PDE4D: variants seen among roughly 807,000 people sequenced by gnomAD.
PDE4D encodes the protein phosphodiesterase 4D.
PDE4D carries 24 observed loss-of-function variants against 87.4 expected under a neutral mutation model. The observed-to-expected ratio is 0.27, with a 90% CI of 0.20 to 0.39. The LOEUF is 0.39. PDE4D is among the 10% of genes least tolerant of loss of function. The pLI is 1.00. For synonymous variants in PDE4D, 384 were observed against 383.2 expected, an observed-to-expected ratio of 1.00 and a Z score of -0.02; for missense variants, 714 against 1,041.0, an observed-to-expected ratio of 0.69 and a Z score of 4.32.
intron 1 of PDE4D, among the ~76,000 whole-genome samples, chr5:59,884,291 C>CAT (rs754186616): frequency 4.6e-5 from 7 of 150,822 alleles, no homozygotes; most frequent in Non-Finnish European, 7.4e-5. Context: ...TACACACACA[C>CAT]ATATATATAT....
chr5:60,072,834 T>C (rs1200659803), intron 2 of PDE4D, among the ~76,000 whole-genome samples: 1 of 152,146 alleles, frequency 6.6e-6, no homozygotes, highest in Non-Finnish European at 1.5e-5. Flanking sequence ...GGCTCTCTAT[T>C]CTGTTTCACT....
At chr5:59,227,848 C>G (rs1310326381) in intron 1 of PDE4D, among the ~76,000 whole-genome samples, 1 of 152,064 alleles carries the variant, frequency 6.6e-6, no homozygotes, top group Non-Finnish European at 1.5e-5. Flanking sequence ...TGTGGTGATT[C>G]CTGAAAGAAC....
At position 59,289,259 on chromosome 5, in the gene PDE4D, A is replaced by G. The variant is rs563633138; in HGVS notation, c.456-73291T>C. Among the ~76,000 whole-genome samples the G allele has an allele frequency of 3.3e-5, 5 of 152,214 alleles. No homozygotes were observed. In the South Asian group the frequency reaches 1.0e-3, roughly 32 times the overall value. On this transcript the variant is annotated intron_variant, in intron 1 of 14. Transcript: ENST00000340635. Reference sequence around the variant, plus strand: ...CTTTGCTTGTTAGTTTGTTTATGCAATCAGTGTTAAGTTGTTATCAGTTTA... The same window carrying G: ...CTTTGCTTGTTAGTTTGTTTATGCAGTCAGTGTTAAGTTGTTATCAGTTTA...
At chr5:60,013,095 T>A (rs947182979) in intron 2 of PDE4D, among the ~76,000 whole-genome samples, 1 of 152,136 alleles carries the variant, frequency 6.6e-6, no homozygotes, top group African/African-American at 2.4e-5. Flanking sequence ...AGCTTCTATA[T>A]CTGGTTTAGA....
At chr5:60,116,123 T>A (rs1778150094) in intron 2 of PDE4D, among the ~76,000 whole-genome samples, 1 of 152,074 alleles carries the variant, frequency 6.6e-6, no homozygotes, top group African/African-American at 2.4e-5. Flanking sequence ...CTACATAGCA[T>A]GAGTCCCAGC....
At chr5:59,164,736 T>C (rs1045116986) in intron 5 of PDE4D, among the ~76,000 whole-genome samples, 3 of 152,164 alleles carry the variant, frequency 2.0e-5, no homozygotes, top group East Asian at 1.9e-4. Context: ...TTCTGTTGGA[T>C]GGCATGATGT....
At chr5:60,316,604 G>A (rs1412545789) in intron 1 of PDE4D, among the ~76,000 whole-genome samples, 2 of 152,174 alleles carry the variant, frequency 1.3e-5, no homozygotes, top group South Asian at 2.1e-4. Flanking sequence ...TGCCCATTCA[G>A]TATGATATTG....
intron 1 of PDE4D, among the ~76,000 whole-genome samples, chr5:59,333,130 G>A (rs1777035138): frequency 6.6e-6 from 1 of 152,134 alleles, no homozygotes; most frequent in African/African-American, 2.4e-5. Context: ...CTCTTTTGTA[G>A]CCATAGAACA....
chr5:59,157,444 T>C lies in PDE4D; in HGVS notation c.808+23151A>G, dbSNP rs1040522657. 1.2e-5 allele frequency: 8 copies of C among 682,040 alleles called. No homozygotes were observed. In the African/African-American group the frequency reaches 1.4e-4, roughly 12 times the overall value. 42.2% of individuals were successfully genotyped at this position (682,040 alleles called of 1,614,324 possible). On this transcript the variant is annotated intron_variant, in intron 5 of 14. Transcript: ENST00000340635. ...CTGTGGTTACTGGGATAAGAGTTAC[T>C]ATTGTAAACCACTTGAATTTACGAC...
chr5:59,650,782 A>G (rs1372835834), intron 1 of PDE4D, among the ~76,000 whole-genome samples: 3 of 152,144 alleles, frequency 2.0e-5, no homozygotes, highest in Non-Finnish European at 4.4e-5. Context: ...TTGATTTCAT[A>G]TATCTATGCA....
intron 1 of PDE4D, among the ~76,000 whole-genome samples, chr5:60,339,749 C>T (rs951346637): frequency 1.3e-5 from 2 of 152,160 alleles, no homozygotes; most frequent in Non-Finnish European, 2.9e-5. Context: ...CCTTCCAACT[C>T]GACATGTGCT....
intron 2 of PDE4D, among the ~76,000 whole-genome samples, chr5:60,028,481 C>T (rs1202382698): frequency 1.3e-5 from 2 of 152,152 alleles, no homozygotes; most frequent in Non-Finnish European, 2.9e-5. Flanking sequence ...TCTAATTGGT[C>T]TTCCTCAGTA....
intron 1 of PDE4D, among the ~76,000 whole-genome samples, chr5:59,273,502 G>A (rs1431523787): frequency 6.6e-6 from 1 of 152,034 alleles, no homozygotes; most frequent in Non-Finnish European, 1.5e-5. Context: ...TGTTACTACA[G>A]CTGATTATAC....
At chr5:59,723,750 C>T (rs187130247) in intron 1 of PDE4D, among the ~76,000 whole-genome samples, 2 of 152,114 alleles carry the variant, frequency 1.3e-5, no homozygotes, top group East Asian at 1.9e-4. Flanking sequence ...CTGAGACCCA[C>T]GTAAGGAGTT....
At chr5:59,101,220 C>T (rs548725123) in intron 5 of PDE4D, among the ~76,000 whole-genome samples, 7 of 152,244 alleles carry the variant, frequency 4.6e-5, no homozygotes, top group East Asian at 3.9e-4. Context: ...CATTCTCTCC[C>T]GACAATACAC....
intron 1 of PDE4D, among the ~76,000 whole-genome samples, chr5:59,827,518 A>G (rs768686946): frequency 2.6e-5 from 4 of 152,178 alleles, no homozygotes; most frequent in Non-Finnish European, 5.9e-5. Flanking sequence ...TAATTAAACC[A>G]TTCAATGTCT....
In PDE4D at chr5:59,599,404, A is replaced by T. The variant is rs555978880; in HGVS notation, c.455+293764T>A. ...CCCAGCTATTTTTATTTATTTATTT[A>T]TTTTTTTTTTATTTTTAGTAGAGAT... On this transcript the variant is annotated intron_variant, in intron 1 of 14. Transcript: ENST00000340635. 1.8e-3 allele frequency among the ~76,000 whole-genome samples: 270 copies of T among 149,002 alleles called. 1 individual carries two copies. The highest frequency in any genetic ancestry group is 5.2e-3 in the African/African-American group (211 of 40,582).
At chr5:59,353,753 CTTCTT>C (rs1305033656) in intron 1 of PDE4D, among the ~76,000 whole-genome samples, 1 of 152,042 alleles carries the variant, frequency 6.6e-6, no homozygotes, top group Admixed American at 6.6e-5. Context: ...CCCTCTCCCT[CTTCTT>C]TTCTCTTTCA....
intron 1 of PDE4D, among the ~76,000 whole-genome samples, chr5:59,704,607 T>C (rs1447194976): frequency 1.3e-5 from 2 of 152,230 alleles, no homozygotes; most frequent in African/African-American, 4.8e-5. Context: ...AATCCACTTA[T>C]TGGATTGCTT....
Sources: allele counts gnomAD v4.1 joint callset (sites outside exome capture counted in the v4.1 genomes callset), GRCh38; gene constraint gnomAD v4.1.1; transcripts MANE v1.5; gene names NCBI Gene and HGNC (gene_info 2026-07-23, HGNC 2026-07-21).